Variants in RGS10 observed in about 807,000 individuals in gnomAD.
RGS10 encodes regulator of G protein signaling 10, also known as regulator of G-protein signalling 10.
A neutral mutation model predicts 23.5 loss-of-function variants in RGS10; 11 were observed. The observed-to-expected ratio is 0.47, with a 90% CI of 0.29 to 0.77. The LOEUF is 0.77. RGS10 is among the 30% of genes least tolerant of loss of function. The pLI, the probability that RGS10 is intolerant of heterozygous loss-of-function variation, is 0.08. For missense variants in RGS10, 180 were observed against 226.3 expected (o/e 0.80, Z 1.31); for synonymous variants, 77 against 83.2 (o/e 0.92, Z 0.41).
At chr10:119,503,574 G>C (rs1431059329) in intron 4 of RGS10, among the ~76,000 whole-genome samples, 5 of 152,278 alleles carry the variant, frequency 3.3e-5, no homozygotes, top group Admixed American at 2.0e-4. Flanking sequence ...GCCCTGCGCT[G>C]GGCAGCGTGT....
chr10:119,510,409 A>G (rs1844063927), intron 4 of RGS10, among the ~76,000 whole-genome samples: 1 of 152,088 alleles, frequency 6.6e-6, no homozygotes, highest in African/African-American at 2.4e-5. Flanking sequence ...CCTCTCATCC[A>G]GATCCCGCTT....
chr10:119,512,287 C>T (rs942054782), intron 4 of RGS10, among the ~76,000 whole-genome samples: 3 of 152,050 alleles, frequency 2.0e-5, no homozygotes, highest in African/African-American at 7.2e-5. Context: ...AAACATGTTC[C>T]CCTCAGCTTC....
At chr10:119,502,958 T>C (rs1464600400) in intron 4 of RGS10, among the ~76,000 whole-genome samples, 1 of 151,968 alleles carries the variant, frequency 6.6e-6, no homozygotes, top group East Asian at 1.9e-4. Context: ...CCTGATTGCT[T>C]TACATGGGGT....
At chr10:119,508,118 C>G (rs1441357010) in intron 4 of RGS10, among the ~76,000 whole-genome samples, 2 of 152,124 alleles carry the variant, frequency 1.3e-5, no homozygotes, top group Non-Finnish European at 2.9e-5. Flanking sequence ...CTGCCTCAGC[C>G]TCCTGAGTAG....
rs201410693 is a variant in RGS10 at position 119,526,159 on chromosome 10, T to TA, written c.169-42dup. 5.2e-3 allele frequency: 4,903 copies of TA among 951,742 alleles called. 6 individuals carry two copies. Among genetic ancestry groups the TA allele is most frequent in the South Asian group, 0.02 (1,053 of 53,178 alleles). The allele number at this position is 951,742 out of a possible 1,614,324, so 59.0% of individuals were successfully genotyped here. On this transcript the variant is annotated intron_variant, in intron 2 of 4. Transcript: ENST00000369103. ...AAAAGAGTCACACAGTATTCTACTT[T>TA]AAAAAAAAAATAAAACAAATGGCAT...
intron 1 of RGS10, among the ~76,000 whole-genome samples, chr10:119,533,779 T>C (rs1844356254): frequency 6.6e-6 from 1 of 152,256 alleles, no homozygotes; most frequent in South Asian, 2.1e-4. Context: ...TTTGTTGTCA[T>C]TGTTTACTTC....
intron 4 of RGS10, among the ~76,000 whole-genome samples, chr10:119,512,713 A>C (rs945437386): frequency 1.3e-5 from 2 of 151,962 alleles, no homozygotes; most frequent in Non-Finnish European, 2.9e-5. Context: ...ACGCCTGGCT[A>C]ATTTTTGTAT....
chr10:119,519,592 T>C (rs887584014), intron 3 of RGS10, among the ~76,000 whole-genome samples: 5 of 127,802 alleles, frequency 3.9e-5, no homozygotes, highest in Non-Finnish European at 3.3e-5. Context: ...TCTGTCTCCC[T>C]ATCTGTCCCC....
At chr10:119,506,597 T>A (rs1033397339) in intron 4 of RGS10, among the ~76,000 whole-genome samples, 1 of 152,210 alleles carries the variant, frequency 6.6e-6, no homozygotes, top group African/African-American at 2.4e-5. Flanking sequence ...CATGACTCAC[T>A]TTCTGCTGGG....
At chr10:119,541,094 G>A (rs534543565) in intron 1 of RGS10, among the ~76,000 whole-genome samples, 1 of 152,320 alleles carries the variant, frequency 6.6e-6, no homozygotes, top group African/African-American at 2.4e-5. Context: ...AAGCCAGTTT[G>A]AGCCAGCTCC....
chr10:119,510,846 G>A (rs1844068736), intron 4 of RGS10, among the ~76,000 whole-genome samples: 1 of 152,080 alleles, frequency 6.6e-6, no homozygotes, highest in African/African-American at 2.4e-5. Flanking sequence ...AGCCTCCCGA[G>A]TAGCTGGGAC....
chr10:119,531,449 T>C (rs979960343), intron 1 of RGS10, among the ~76,000 whole-genome samples: 4 of 152,230 alleles, frequency 2.6e-5, no homozygotes, highest in Non-Finnish European at 5.9e-5. Flanking sequence ...CACAGTAGAT[T>C]ACCATTTAGC....
intron 4 of RGS10, among the ~76,000 whole-genome samples, chr10:119,510,788 G>A (rs888219868): frequency 1.3e-5 from 2 of 151,984 alleles, no homozygotes; most frequent in African/African-American, 2.4e-5. Flanking sequence ...GTGCAATCTC[G>A]GCTCACTGCA....
intron 1 of RGS10, among the ~76,000 whole-genome samples, chr10:119,540,351 A>T (rs1844425066): frequency 6.6e-6 from 1 of 152,164 alleles, no homozygotes. Context: ...CCCAGGCTCA[A>T]GCCATCCTCT....
At chr10:119,525,771 C>A (rs1844266809) in intron 3 of RGS10, among the ~76,000 whole-genome samples, 1 of 152,146 alleles carries the variant, frequency 6.6e-6, no homozygotes, top group Non-Finnish European at 1.5e-5. Context: ...GAAAAAAATT[C>A]TATGCAATGA....
intron 1 of RGS10, among the ~76,000 whole-genome samples, chr10:119,539,361 C>T (rs780276905): frequency 8.5e-5 from 13 of 152,228 alleles, no homozygotes; most frequent in Admixed American, 3.9e-4. Context: ...ATGACAGGCC[C>T]GAGGGGACGG....
Position 119,527,227 on chromosome 10 carries a change from C to G in RGS10, c.168+79G>C, listed in dbSNP as rs1186839676. The G allele has an allele frequency of 2.1e-6, 2 of 974,268 alleles. No homozygotes were observed. Among genetic ancestry groups the G allele is most frequent in the African/African-American group, 3.2e-5 (2 of 62,668 alleles). The allele number at this position is 974,268 out of a possible 1,614,324, so 60.4% of individuals were successfully genotyped here. ...TGCTACGCTGACAGACAATGTTGAA[C>G]TGGCCTATTTCTCCCCTGTGTGCAT... On this transcript the variant is annotated intron_variant, in intron 2 of 4. Coordinates refer to ENST00000369103, the MANE Select transcript of RGS10 (RefSeq NM_001005339.2). The surrounding 1 kb of genome is among the most constrained non-coding windows in gnomAD (Gnocchi z 4.2).
At chr10:119,505,100 A>C (rs1028020490) in intron 4 of RGS10, among the ~76,000 whole-genome samples, 3 of 152,104 alleles carry the variant, frequency 2.0e-5, no homozygotes, top group African/African-American at 7.2e-5. Context: ...AGGGGGAGAC[A>C]TGACCTCACC....
intron 4 of RGS10, among the ~76,000 whole-genome samples, chr10:119,504,575 T>C (rs1225639798): frequency 6.6e-6 from 1 of 152,186 alleles, no homozygotes; most frequent in Non-Finnish European, 1.5e-5. Context: ...CAAACTTACA[T>C]TCACCTCGAA....
Sources: allele counts gnomAD v4.1 joint callset (sites outside exome capture counted in the v4.1 genomes callset), GRCh38; gene constraint gnomAD v4.1.1; non-coding constraint Gnocchi (gnomAD v3.1); transcripts MANE v1.5; gene names NCBI Gene and HGNC (gene_info 2026-07-23, HGNC 2026-07-21).